The following POLA1 variants were observed in gnomAD, a reference collection of about 807,000 sequenced individuals.
POLA1 encodes the protein DNA polymerase alpha 1, catalytic subunit, also known as DNA polymerase alpha catalytic subunit.
A neutral mutation model predicts 124.0 loss-of-function variants in POLA1; 15 were observed. That is an observed-to-expected ratio of 0.12 (90% CI 0.08 to 0.19). The LOEUF (loss-of-function observed/expected upper bound fraction) is 0.19, where lower values mean the gene tolerates loss of function less well. Ranked by LOEUF, POLA1 falls within the 10% of genes least tolerant of loss-of-function variation. POLA1 has a pLI of 1.00. For missense variants in POLA1, 886 were observed against 1,103.4 expected, an observed-to-expected ratio of 0.80 and a Z score of 2.79; for synonymous variants, 408 against 389.4, an observed-to-expected ratio of 1.05 and a Z score of -0.56.
At chrX:24,959,249 A>C (rs1226692075) in intron 36 of POLA1, among the ~76,000 whole-genome samples, 2 of 111,404 alleles carry the variant, frequency 1.8e-5, no homozygotes, top group Non-Finnish European at 3.8e-5. Context: ...GCGGATCACG[A>C]GGTCAGGAGT....
chrX:24,936,437 C>T (rs1420382784), intron 36 of POLA1, among the ~76,000 whole-genome samples: 8 of 112,177 alleles, frequency 7.1e-5, no homozygotes, highest in Admixed American at 6.6e-4. Flanking sequence ...TGGTTAAATC[C>T]TTAACAAAAT....
intron 26 of POLA1, among the ~76,000 whole-genome samples, chrX:24,783,431 T>C (rs1043306664): frequency 1.8e-5 from 2 of 112,082 alleles, no homozygotes; most frequent in Non-Finnish European, 3.8e-5. Flanking sequence ...AATGTGTAGG[T>C]ATGCTGGTAA....
At chrX:24,812,570 T>C (rs760804351) in intron 28 of POLA1, 88 bp from the exon 29 acceptor site, 43 of 551,018 alleles carry the variant, frequency 7.8e-5, no homozygotes, top group Middle Eastern at 4.2e-4. Context: ...AAATTCTGTT[T>C]AGATTAACTC....
chrX:24,951,343 A>ACCACCCCCCCC (rs2048040056), intron 36 of POLA1, among the ~76,000 whole-genome samples: 1 of 40,937 alleles, frequency 2.4e-5, no homozygotes, highest in Non-Finnish European at 4.6e-5. Flanking sequence ...ACACCTCCCT[A>ACCACCCCCCCC]CCCCCCCCCC....
At chrX:24,805,303 G>A (rs181814156) in intron 26 of POLA1, among the ~76,000 whole-genome samples, 1 of 111,255 alleles carries the variant, frequency 9.0e-6, no homozygotes, top group African/African-American at 3.3e-5. Flanking sequence ...CTGAAATATC[G>A]GCGTGAAGGG....
chrX:24,861,428 A>G (rs2046714877), intron 34 of POLA1, among the ~76,000 whole-genome samples: 1 of 112,984 alleles, frequency 8.9e-6, no homozygotes, highest in Non-Finnish European at 1.9e-5. Context: ...CACCACACCC[A>G]GCCAACACTC....
intron 36 of POLA1, among the ~76,000 whole-genome samples, chrX:24,965,121 C>A (rs541284791): frequency 1.8e-5 from 2 of 111,689 alleles, no homozygotes; most frequent in African/African-American, 6.5e-5. Context: ...GTGTATGCCC[C>A]CATTGACCAA....
chrX:24,816,710 A>G (rs1023441859), intron 30 of POLA1, among the ~76,000 whole-genome samples: 3 of 111,910 alleles, frequency 2.7e-5, no homozygotes, highest in African/African-American at 9.8e-5. Context: ...TTGGGTTTCT[A>G]TCACAAGGGC....
chrX:24,799,540 A>G (rs2045669447), intron 26 of POLA1, among the ~76,000 whole-genome samples: 1 of 112,305 alleles, frequency 8.9e-6, no homozygotes, highest in African/African-American at 3.2e-5. Context: ...AGCCAGCCTG[A>G]CGCCTTCTTC....
At chrX:24,791,640 T>A (rs1423396836) in intron 26 of POLA1, among the ~76,000 whole-genome samples, 1 of 112,545 alleles carries the variant, frequency 8.9e-6, no homozygotes, top group African/African-American at 3.2e-5. Flanking sequence ...TGCCTCGGCC[T>A]CCCAAAGTGC....
intron 24 of POLA1, among the ~76,000 whole-genome samples, chrX:24,746,490 G>T (rs1275925420): frequency 1.8e-5 from 2 of 111,863 alleles, no homozygotes; most frequent in Non-Finnish European, 1.9e-5. Flanking sequence ...TTTAGAGTTG[G>T]AAGGGACCTC....
intron 26 of POLA1, among the ~76,000 whole-genome samples, chrX:24,760,350 A>G (rs1454384883): frequency 6.3e-5 from 7 of 111,746 alleles, no homozygotes; most frequent in Non-Finnish European, 1.3e-4. Flanking sequence ...TATGGGTGAC[A>G]TGGCAGCACT....
chrX:24,801,915 A>AGGTG (rs1312651067), intron 26 of POLA1, among the ~76,000 whole-genome samples: 58 of 47,367 alleles, frequency 1.2e-3, no homozygotes, highest in Admixed American at 1.9e-3. Flanking sequence ...CCACTAGGAG[A>AGGTG]GGTGGGTGGG....
intron 34 of POLA1, among the ~76,000 whole-genome samples, chrX:24,855,255 G>A (rs2046628265): frequency 9.0e-6 from 1 of 111,356 alleles, no homozygotes; most frequent in Non-Finnish European, 1.9e-5. Context: ...ACTTTTGGGG[G>A]GAGGGGTGTT....
intron 3 of POLA1, among the ~76,000 whole-genome samples, chrX:24,704,153 C>T (rs1167171103): frequency 9.0e-6 from 1 of 111,659 alleles, no homozygotes; most frequent in African/African-American, 3.3e-5. Flanking sequence ...TGGGCCAAAT[C>T]GTTTCCTGAG....
intron 35 of POLA1, among the ~76,000 whole-genome samples, chrX:24,919,714 T>C (rs954558337): frequency 4.6e-5 from 5 of 109,805 alleles, no homozygotes; most frequent in African/African-American, 1.7e-4. Flanking sequence ...TGTGCCATGG[T>C]GGTTTGCTGC....
chrX:24,873,481 A>G (rs2046893998), intron 34 of POLA1, among the ~76,000 whole-genome samples: 1 of 111,991 alleles, frequency 8.9e-6, no homozygotes, highest in Admixed American at 9.5e-5. Context: ...TGATCAGGAG[A>G]GAATTCCTTA....
intron 32 of POLA1, among the ~76,000 whole-genome samples, chrX:24,835,048 CT>C (rs761260774): frequency 2.3e-3 from 223 of 97,343 alleles, no homozygotes; most frequent in East Asian, 8.2e-3. Flanking sequence ...TTTGCATTTC[CT>C]TTTTTTTTTT....
At chrX:24,738,434 T>A (rs1427151146) in intron 19 of POLA1, among the ~76,000 whole-genome samples, 1 of 110,808 alleles carries the variant, frequency 9.0e-6, no homozygotes, top group African/African-American at 3.3e-5. Flanking sequence ...GGAGTTGATG[T>A]TGGTTGTATA....
Sources: allele counts gnomAD v4.1 joint callset (sites outside exome capture counted in the v4.1 genomes callset), GRCh38; gene constraint gnomAD v4.1.1; transcripts MANE v1.5; gene names NCBI Gene and HGNC (gene_info 2026-07-23, HGNC 2026-07-21).